MRTFB: variants seen among roughly 807,000 people sequenced by gnomAD.
MRTFB encodes myocardin-related transcription factor B.
A neutral mutation model predicts 104.2 loss-of-function variants in MRTFB; 29 were observed. The ratio of observed to expected loss-of-function variants is 0.28; its 90% CI spans 0.21 to 0.38. MRTFB has a LOEUF of 0.38. Among genes scored for constraint, MRTFB ranks in the 10% least tolerant of loss-of-function variants. MRTFB has a pLI of 1.00. For missense variants in MRTFB, 1,270 were observed against 1,341.6 expected (o/e 0.95, Z 0.83); for synonymous variants, 535 against 519.5 (o/e 1.03, Z -0.41).
At chr16:14,005,650 C>G in the MRTFB span, among the ~76,000 whole-genome samples, 16 of 152,256 alleles carry the variant, frequency 1.1e-4, no homozygotes, top group African/African-American at 3.6e-4. Flanking sequence ...TGCAGAACAC[C>G]AACTATGGGA....
chr16:14,060,917 T>C, the MRTFB span, among the ~76,000 whole-genome samples: 16 of 152,064 alleles, frequency 1.1e-4, 1 homozygote, highest in Non-Finnish European at 2.1e-4. Flanking sequence ...GAGGCCAAGG[T>C]GGGCAGATCA....
intron 1 of MRTFB, among the ~76,000 whole-genome samples, chr16:14,071,858 A>G (rs762770): frequency 0.19 from 29,160 of 152,118 alleles, 4,767 homozygotes; most frequent in African/African-American, 0.43. Flanking sequence ...GGTCCCGACC[A>G]GGCTTCAGAG....
intron 2 of MRTFB, among the ~76,000 whole-genome samples, chr16:14,112,094 A>C (rs1475255829): frequency 6.6e-6 from 1 of 152,210 alleles, no homozygotes; most frequent in Non-Finnish European, 1.5e-5. Flanking sequence ...GGATTTAATC[A>C]GTGCTGAAGC....
chr16:14,262,402 C>G lies in MRTFB; in HGVS notation c.*958C>G, dbSNP rs909131559. 1 of 152,130 alleles carries G rather than the reference C, an allele frequency of 6.6e-6. No homozygotes were observed. The highest frequency in any genetic ancestry group is 1.5e-5 in the Non-Finnish European group (1 of 68,026). The allele number at this position is 152,130 out of a possible 1,614,324, so 9.4% of individuals were successfully genotyped here. A position where few individuals can be genotyped will look rare whatever the true frequency, so the allele number is the denominator to read the frequency against. On this transcript the variant is annotated 3_prime_UTR_variant, in exon 17 of 17. Transcript: ENST00000571589. ...GGTAACCAGACCCATCTCAAAGAAC[C>G]AAGAAAAGGCTTTAGCATGAAATAT...
chr16:14,066,084 T>C, the MRTFB span, among the ~76,000 whole-genome samples: 2 of 152,224 alleles, frequency 1.3e-5, no homozygotes, highest in Non-Finnish European at 2.9e-5. Context: ...CTCATAGTTA[T>C]TGACATACTA....
At chr16:14,127,516 C>A (rs8056211) in intron 2 of MRTFB, among the ~76,000 whole-genome samples, 1 of 151,446 alleles carries the variant, frequency 6.6e-6, no homozygotes, top group Non-Finnish European at 1.5e-5. Context: ...TGGTGGTGGG[C>A]GCCTGTAGTC....
the MRTFB span, among the ~76,000 whole-genome samples, chr16:14,016,606 C>G: frequency 1.3e-5 from 2 of 151,916 alleles, no homozygotes; most frequent in African/African-American, 4.8e-5. Flanking sequence ...AACGCTGTCT[C>G]TACTAAAAAT....
At chr16:14,129,067 G>A (rs532551003) in intron 2 of MRTFB, among the ~76,000 whole-genome samples, 1 of 152,190 alleles carries the variant, frequency 6.6e-6, no homozygotes, top group Non-Finnish European at 1.5e-5. Flanking sequence ...TGAGATTCAG[G>A]CATGTTGTTT....
the MRTFB span, among the ~76,000 whole-genome samples, chr16:14,055,570 G>T: frequency 6.6e-6 from 1 of 152,054 alleles, no homozygotes; most frequent in Non-Finnish European, 1.5e-5. Flanking sequence ...GAAAAATACT[G>T]GAGGGACATT....
At chr16:14,171,086 A>C (rs572716146) in intron 3 of MRTFB, among the ~76,000 whole-genome samples, 1 of 152,330 alleles carries the variant, frequency 6.6e-6, no homozygotes, top group African/African-American at 2.4e-5. Context: ...TGACAAGCCC[A>C]ACATCATTCT....
intron 2 of MRTFB, among the ~76,000 whole-genome samples, chr16:14,100,547 C>G (rs983666978): frequency 1.3e-5 from 2 of 152,092 alleles, no homozygotes; most frequent in African/African-American, 2.4e-5. Flanking sequence ...AGAGCCTCTT[C>G]TAGTGTCTTT....
At chr16:14,017,185 T>C in the MRTFB span, among the ~76,000 whole-genome samples, 1 of 151,360 alleles carries the variant, frequency 6.6e-6, no homozygotes, top group Admixed American at 6.6e-5. Flanking sequence ...GCCTCCCAAG[T>C]AGCTGGGACT....
chr16:14,200,035 A>G (rs2040612223), intron 3 of MRTFB: 1 of 425,096 alleles, frequency 2.4e-6, no homozygotes, highest in African/African-American at 2.0e-5. Context: ...ATAAAAAGGT[A>G]CTATCTTACC....
rs2039969057 is a variant in MRTFB at position 14,186,803 on chromosome 16, G to A, written c.155-23440G>A. On this transcript the variant is annotated intron_variant, in intron 3 of 16. Transcript: ENST00000571589. ...AATTGGCCAGTGATTGGGGTATTGT[G>A]GGGAGCAACCAGGGACCCAGGGACC... 5.8e-6 allele frequency: 9 copies of A among 1,563,122 alleles called. 1 individual carries two copies. The highest frequency in any genetic ancestry group is 1.2e-5 in the South Asian group (1 of 85,486).
At chr16:14,111,959 A>T (rs1046262917) in intron 2 of MRTFB, among the ~76,000 whole-genome samples, 4 of 152,148 alleles carry the variant, frequency 2.6e-5, no homozygotes, top group Non-Finnish European at 5.9e-5. Context: ...GCTCCCGTCC[A>T]GGGCGCTCCT....
chr16:14,261,003 G>T lies in MRTFB; in HGVS notation c.2859G>T (p.Val953=), dbSNP rs1419875626. The change falls in exon 17 of 17, where the codon GTG becomes GTT. Residue 953 remains valine (V), a synonymous_variant. Coordinates refer to ENST00000571589, the MANE Select transcript of MRTFB (RefSeq NM_001308142.2). Reference sequence around the variant, plus strand: ...CCACAATGCCAGTGAATACAGTGGTGTCCCGGCCACCACCCCAAGTCCAAA... The same window carrying T: ...CCACAATGCCAGTGAATACAGTGGTTTCCCGGCCACCACCCCAAGTCCAAA... The part of the protein sequence containing the change: ...SITTMPVNTV[V]SRPPPQVQMA... 6.2e-7 allele frequency: 1 copy of T among 1,614,040 alleles called. No homozygotes were observed. Among genetic ancestry groups the T allele is most frequent in the Non-Finnish European group, 8.5e-7 (1 of 1,180,044 alleles).
chr16:14,161,861 A>G (rs890372722), intron 3 of MRTFB, among the ~76,000 whole-genome samples: 1 of 152,204 alleles, frequency 6.6e-6, no homozygotes, highest in Non-Finnish European at 1.5e-5. Flanking sequence ...TAAAATATGA[A>G]AAAGAAAAAT....
At chr16:14,065,933 C>G in the MRTFB span, among the ~76,000 whole-genome samples, 3 of 152,028 alleles carry the variant, frequency 2.0e-5, no homozygotes, top group African/African-American at 4.8e-5. Flanking sequence ...TTCCATCCAG[C>G]CATTTTCTTG....
intron 2 of MRTFB, among the ~76,000 whole-genome samples, chr16:14,093,907 G>T (rs2035219845): frequency 6.6e-6 from 1 of 152,048 alleles, no homozygotes; most frequent in Admixed American, 6.5e-5. Flanking sequence ...TCAGCTCCTG[G>T]AAAAAAGAAT....
Sources: gnomAD v4.1 joint callset for allele counts (sites outside exome capture counted in the v4.1 genomes callset) on GRCh38, gnomAD v4.1.1 for gene constraint, MANE v1.5 for transcripts, NCBI Gene and HGNC (gene_info 2026-07-23, HGNC 2026-07-21) for gene names.